The following ADAMTSL1 variants were observed in gnomAD, a reference collection of about 807,000 sequenced individuals.
ADAMTSL1 encodes ADAMTS-like protein 1.
Under a neutral mutation model 201.8 loss-of-function variants are expected in ADAMTSL1, and 126 were observed. The ratio of observed to expected loss-of-function variants is 0.62; its 90% CI spans 0.54 to 0.72. The LOEUF is 0.72. Among genes scored for constraint, ADAMTSL1 ranks in the 30% least tolerant of loss-of-function variants. The probability of loss-of-function intolerance (pLI) is 0.00; values close to 1 mark genes in which losing one functional copy is unlikely to be tolerated. For missense variants in ADAMTSL1, 2,679 were observed against 2,277.8 expected (o/e 1.18, Z -3.59); for synonymous variants, 1,121 against 903.4 (o/e 1.24, Z -4.32).
At chr9:18,123,237 C>T (rs1334082154) in intron 1 of ADAMTSL1, among the ~76,000 whole-genome samples, 1 of 152,188 alleles carries the variant, frequency 6.6e-6, no homozygotes, top group Non-Finnish European at 1.5e-5. Context: ...GTGATTATAA[C>T]AAGACACATT....
intron 2 of ADAMTSL1, among the ~76,000 whole-genome samples, chr9:18,530,351 A>G (rs756991820): frequency 6.6e-6 from 1 of 152,156 alleles, no homozygotes; most frequent in Non-Finnish European, 1.5e-5. Context: ...AAAAATTTTT[A>G]AAAAGGATGA....
At chr9:17,936,617 TG>T in intron 1 of ADAMTSL1, among the ~76,000 whole-genome samples, 1 of 152,290 alleles carries the variant, frequency 6.6e-6, no homozygotes, top group East Asian at 1.9e-4. Context: ...GATTATATCG[TG>T]GTCTCTCCCT....
intron 1 of ADAMTSL1, among the ~76,000 whole-genome samples, chr9:18,020,568 A>G (rs1329927): frequency 0.36 from 53,950 of 151,862 alleles, 10,197 homozygotes; most frequent in Non-Finnish European, 0.42. Flanking sequence ...CTTTAAAACC[A>G]TCAGCTCTTA....
At chr9:18,375,955 A>C (rs954926101) in intron 2 of ADAMTSL1, among the ~76,000 whole-genome samples, 3 of 152,032 alleles carry the variant, frequency 2.0e-5, no homozygotes, top group Non-Finnish European at 4.4e-5. Context: ...ACAAACCTCT[A>C]GCTAGCCACA....
At chr9:18,764,601 C>A (rs1820256730) in intron 16 of ADAMTSL1, among the ~76,000 whole-genome samples, 1 of 152,166 alleles carries the variant, frequency 6.6e-6, no homozygotes, top group Admixed American at 6.5e-5. Flanking sequence ...TGCTCATGGA[C>A]TGAATGACAT....
At chr9:18,120,064 G>A (rs1195985903) in intron 1 of ADAMTSL1, among the ~76,000 whole-genome samples, 3 of 152,152 alleles carry the variant, frequency 2.0e-5, no homozygotes, top group Non-Finnish European at 4.4e-5. Context: ...TGAGATTCAC[G>A]GAACTGGGAG....
At chr9:18,096,706 A>T (rs147176708) in intron 1 of ADAMTSL1, among the ~76,000 whole-genome samples, 50 of 152,322 alleles carry the variant, frequency 3.3e-4, no homozygotes, top group African/African-American at 1.2e-3. Context: ...TGACAAATGT[A>T]TATGTTGTAT....
At chr9:18,143,031 A>G (rs981597664) in intron 1 of ADAMTSL1, among the ~76,000 whole-genome samples, 2 of 152,148 alleles carry the variant, frequency 1.3e-5, no homozygotes, top group Non-Finnish European at 2.9e-5. Context: ...TGCAATGAGG[A>G]TGATGCAGGT....
At chr9:18,290,783 T>TTTTTTTG (rs1833223015) in intron 2 of ADAMTSL1, among the ~76,000 whole-genome samples, 5 of 80,194 alleles carry the variant, frequency 6.2e-5, no homozygotes, top group Non-Finnish European at 1.1e-4. Context: ...TTTTGTGTGT[T>TTTTTTTG]TTTTTTTTTT....
chr9:18,727,665 C>T (rs1449151719), intron 15 of ADAMTSL1, among the ~76,000 whole-genome samples: 1 of 152,200 alleles, frequency 6.6e-6, no homozygotes, highest in Non-Finnish European at 1.5e-5. Context: ...TGCCTCAGGG[C>T]TAAAATGTTT....
At chr9:18,768,917 T>A (rs560949821) in intron 16 of ADAMTSL1, among the ~76,000 whole-genome samples, 2 of 152,210 alleles carry the variant, frequency 1.3e-5, no homozygotes, top group Non-Finnish European at 2.9e-5. Flanking sequence ...GGAGACACAA[T>A]AGAATTATCT....
chr9:18,148,257 A>G (rs944094062), intron 1 of ADAMTSL1, among the ~76,000 whole-genome samples: 1 of 152,008 alleles, frequency 6.6e-6, no homozygotes. Flanking sequence ...CATAGTATAA[A>G]CAAATGGAAC....
At chr9:18,898,511 G>A (rs1413252454) in intron 26 of ADAMTSL1, among the ~76,000 whole-genome samples, 1 of 152,150 alleles carries the variant, frequency 6.6e-6, no homozygotes, top group Non-Finnish European at 1.5e-5. Flanking sequence ...TGAGAAATAT[G>A]GGACTATGTA....
Position 18,639,300 on chromosome 9 carries a change from C to T in ADAMTSL1, c.723C>T (p.Leu241=). The change falls in exon 7 of 29, where the codon CTC becomes CTT. Residue 241 remains leucine (L), a synonymous_variant. Transcript: ENST00000380548. ...AGGGGACTAAAGGTGAAAACAGTCTCAGCTCCACAGGAACTTTCCTTGTGG... is the reference window on the plus strand; with the variant it reads ...AGGGGACTAAAGGTGAAAACAGTCTTAGCTCCACAGGAACTTTCCTTGTGG... ...TLQGTKGENS[L]SSTGTFLVDN... 6.2e-7 allele frequency: 1 copy of T among 1,613,036 alleles called. No homozygotes were observed. Among genetic ancestry groups the T allele is most frequent in the East Asian group, 2.2e-5 (1 of 44,856 alleles).
At chr9:18,112,556 C>A (rs145771386) in intron 1 of ADAMTSL1, among the ~76,000 whole-genome samples, 13 of 151,838 alleles carry the variant, frequency 8.6e-5, no homozygotes, top group Admixed American at 2.6e-4. Flanking sequence ...CCCTCTAAAA[C>A]CAACTGCACC....
intron 1 of ADAMTSL1, among the ~76,000 whole-genome samples, chr9:17,978,422 T>C (rs1056613741): frequency 5.3e-5 from 8 of 152,090 alleles, no homozygotes; most frequent in Non-Finnish European, 1.2e-4. Flanking sequence ...TGTTGTGGTA[T>C]TATTCGATTT....
chr9:18,205,732 A>T (rs1829623245), intron 2 of ADAMTSL1, among the ~76,000 whole-genome samples: 1 of 152,020 alleles, frequency 6.6e-6, no homozygotes. Context: ...TAGTCTCATG[A>T]GATTTAGGTT....
At chr9:18,645,710 A>G (rs1485818804) in intron 7 of ADAMTSL1, among the ~76,000 whole-genome samples, 3 of 148,162 alleles carry the variant, frequency 2.0e-5, no homozygotes, top group Admixed American at 1.4e-4. Flanking sequence ...GATATGCAGC[A>G]TTATTTCTGA....
chr9:18,433,057 GA>G (rs1301357685), intron 2 of ADAMTSL1, among the ~76,000 whole-genome samples: 2 of 151,778 alleles, frequency 1.3e-5, no homozygotes, highest in African/African-American at 4.9e-5. Flanking sequence ...ACTTTGGCTA[GA>G]TTTTTTTTAA....
Sources: gnomAD v4.1 joint callset for allele counts (sites outside exome capture counted in the v4.1 genomes callset) on GRCh38, gnomAD v4.1.1 for gene constraint, MANE v1.5 for transcripts, NCBI Gene and HGNC (gene_info 2026-07-23, HGNC 2026-07-21) for gene names.